Variants in RPSA2 observed in about 807,000 individuals in gnomAD.
The protein encoded by RPSA2 is small ribosomal subunit protein uS2B.
At chr19:23,858,810 TAGA>T in the RPSA2 span, among the ~76,000 whole-genome samples, 1 of 152,194 alleles carries the variant, frequency 6.6e-6, no homozygotes, top group East Asian at 1.9e-4. Context: ...GTTTGCATAA[TAGA>T]AGATTAGGGT....
chr19:23,841,656 G>A, the RPSA2 span, among the ~76,000 whole-genome samples: 3 of 152,292 alleles, frequency 2.0e-5, no homozygotes, highest in South Asian at 2.1e-4. Context: ...GGAATTGTGG[G>A]CAGTTTTGAG....
the RPSA2 span, chr19:23,832,914 T>A: frequency 4.5e-6 from 7 of 1,545,650 alleles, no homozygotes; most frequent in Non-Finnish European, 6.1e-6. Context: ...GCAAATCTTT[T>A]AACCTGTCTT....
chr19:23,847,482 G>A, the RPSA2 span, among the ~76,000 whole-genome samples: 2 of 152,160 alleles, frequency 1.3e-5, no homozygotes, highest in African/African-American at 2.4e-5. Context: ...GCCCACCTGA[G>A]CCACAAAACC....
the RPSA2 span, among the ~76,000 whole-genome samples, chr19:23,800,027 C>CTT: frequency 2.1e-4 from 23 of 110,940 alleles, no homozygotes; most frequent in South Asian, 2.9e-4. Flanking sequence ...TTTTCTTTTT[C>CTT]TTTTTTTTTT....
At chr19:23,832,094 C>A in the RPSA2 span, 1 of 455,630 alleles carries the variant, frequency 2.2e-6, no homozygotes, top group Non-Finnish European at 4.4e-6. Context: ...CAACACTCAA[C>A]CCTTACTACA....
chr19:23,850,132 C>T, the RPSA2 span, among the ~76,000 whole-genome samples: 1 of 151,528 alleles, frequency 6.6e-6, no homozygotes, highest in South Asian at 2.1e-4. Flanking sequence ...CAATGGTCAT[C>T]TCTAGCTCCA....
At chr19:23,823,384 TG>T in the RPSA2 span, among the ~76,000 whole-genome samples, 3 of 152,152 alleles carry the variant, frequency 2.0e-5, no homozygotes, top group Non-Finnish European at 4.4e-5. Context: ...TACTAAATTG[TG>T]GGGCACCTCC....
the RPSA2 span, chr19:23,831,983 G>A: frequency 7.8e-6 from 3 of 383,498 alleles, no homozygotes; most frequent in Admixed American, 3.0e-5. Context: ...TGTAAAAAAT[G>A]TGGAAAAACC....
the RPSA2 span, among the ~76,000 whole-genome samples, chr19:23,859,403 C>T: frequency 3.5e-4 from 54 of 152,144 alleles, no homozygotes; most frequent in East Asian, 8.3e-3. Context: ...CTGTGGTGGG[C>T]GAATCACCTG....
the RPSA2 span, chr19:23,833,355 A>G: frequency 3.5e-6 from 1 of 288,532 alleles, no homozygotes; most frequent in Non-Finnish European, 5.4e-6. Flanking sequence ...CTTTACAGAC[A>G]TAAGGTTATT....
At chr19:23,854,237 C>T in the RPSA2 span, among the ~76,000 whole-genome samples, 1 of 152,136 alleles carries the variant, frequency 6.6e-6, no homozygotes, top group East Asian at 1.9e-4. Context: ...GGTGGATGCC[C>T]TACCTAACAC....
the RPSA2 span, among the ~76,000 whole-genome samples, chr19:23,843,800 C>T: frequency 6.6e-6 from 1 of 152,094 alleles, no homozygotes; most frequent in African/African-American, 2.4e-5. Context: ...ACTCTTGTTG[C>T]CGAGGCTGGA....
At chr19:23,861,946 G>A in the RPSA2 span, among the ~76,000 whole-genome samples, 7 of 152,080 alleles carry the variant, frequency 4.6e-5, no homozygotes, top group Non-Finnish European at 8.8e-5. Flanking sequence ...CTCTATGGTA[G>A]GTAGTCTGGC....
chr19:23,795,012 C>G, the RPSA2 span, among the ~76,000 whole-genome samples: 78 of 152,076 alleles, frequency 5.1e-4, no homozygotes, highest in Non-Finnish European at 2.1e-4. Flanking sequence ...TCTGGGCTCC[C>G]TATTCTGTTG....
chr19:23,857,854 T>G, the RPSA2 span, among the ~76,000 whole-genome samples: 1 of 152,032 alleles, frequency 6.6e-6, no homozygotes, highest in Non-Finnish European at 1.5e-5. Context: ...TACTGAAGAA[T>G]TATGGAATTT....
At chr19:23,856,800 T>C in the RPSA2 span, among the ~76,000 whole-genome samples, 3 of 152,174 alleles carry the variant, frequency 2.0e-5, no homozygotes, top group Admixed American at 6.5e-5. Context: ...AGCAGGTTTT[T>C]ATTAAGGATT....
chr19:23,820,728 T>G, the RPSA2 span, among the ~76,000 whole-genome samples: 6 of 152,184 alleles, frequency 3.9e-5, no homozygotes, highest in Non-Finnish European at 8.8e-5. Flanking sequence ...AAAAGCATAT[T>G]TGGAATCAGT....
the RPSA2 span, among the ~76,000 whole-genome samples, chr19:23,770,522 T>TC: frequency 6.6e-6 from 1 of 152,198 alleles, no homozygotes; most frequent in Non-Finnish European, 1.5e-5. Context: ...ACCCATGAAA[T>TC]GGAGGCTTCT....
chr19:23,805,722 C>T, the RPSA2 span, among the ~76,000 whole-genome samples: 148,797 of 152,276 alleles, frequency 0.98, 72,802 homozygotes, highest in Middle Eastern at 1. Flanking sequence ...GAGCTGTGTC[C>T]GCTGTGCCTC....
Sources: allele counts gnomAD v4.1 joint callset (sites outside exome capture counted in the v4.1 genomes callset), GRCh38; gene constraint gnomAD v4.1.1; transcripts MANE v1.5; gene names NCBI Gene and HGNC (gene_info 2026-07-23, HGNC 2026-07-21).